CSF2RA: variants seen among roughly 807,000 people sequenced by gnomAD.
CSF2RA encodes the protein granulocyte-macrophage colony-stimulating factor receptor subunit alpha.
A neutral mutation model predicts 51.6 loss-of-function variants in CSF2RA; 42 were observed. The ratio of observed to expected loss-of-function variants is 0.81; its 90% CI spans 0.64 to 1.05. The LOEUF (loss-of-function observed/expected upper bound fraction) is 1.05, where lower values mean the gene tolerates loss of function less well. Ranked by LOEUF, CSF2RA falls within the 50% of genes least tolerant of loss-of-function variation. The pLI is 0.00. For missense variants in CSF2RA, 530 were observed against 501.1 expected (o/e 1.06, Z -0.55); for synonymous variants, 222 against 193.0 (o/e 1.15, Z -1.24).
chrX:1,315,001 CCCCACTGCACCTGCCCAA>C (rs2084508959), downstream of CSF2RA, among the ~76,000 whole-genome samples: 1 of 118,540 alleles, frequency 8.4e-6, no homozygotes, highest in Non-Finnish European at 1.9e-5. Flanking sequence ...ACCTGCCCAA[CCCCACTGCACCTGCCCAA>C]CCACACTGCA....
At chrX:1,322,406 C>A in the CSF2RA span, among the ~76,000 whole-genome samples, 1 of 149,854 alleles carries the variant, frequency 6.7e-6, no homozygotes, top group African/African-American at 2.5e-5. Context: ...GTCAGCACAC[C>A]TGGCCCACTT....
At chrX:1,299,809 G>C (rs1293385513) in intron 9 of CSF2RA, among the ~76,000 whole-genome samples, 1 of 151,654 alleles carries the variant, frequency 6.6e-6, no homozygotes, top group African/African-American at 2.4e-5. Flanking sequence ...TCCCAGCTAC[G>C]TGGGAGGCTG....
intron 4 of CSF2RA, among the ~76,000 whole-genome samples, chrX:1,286,860 C>G (rs1198302787): frequency 2.0e-5 from 3 of 152,016 alleles, no homozygotes; most frequent in Non-Finnish European, 4.4e-5. Flanking sequence ...GTCACGTTGT[C>G]AGTGTGTCAC....
downstream of CSF2RA, among the ~76,000 whole-genome samples, chrX:1,312,968 G>T (rs1247713999): frequency 6.6e-6 from 1 of 152,090 alleles, no homozygotes; most frequent in African/African-American, 2.4e-5. Flanking sequence ...AAAAAGCGTG[G>T]AATCCTCTGG....
At chrX:1,293,391 TTG>T (rs1413979922) in intron 7 of CSF2RA, among the ~76,000 whole-genome samples, 1 of 152,034 alleles carries the variant, frequency 6.6e-6, no homozygotes, top group Non-Finnish European at 1.5e-5. Flanking sequence ...GCTAATTTTT[TTG>T]GATTTTTAGT....
intron 1 of CSF2RA, among the ~76,000 whole-genome samples, chrX:1,269,287 G>A (rs2088018419): frequency 1.3e-5 from 2 of 152,082 alleles, no homozygotes; most frequent in African/African-American, 2.4e-5. Context: ...GAATTATCAC[G>A]TGAATTCACA....
chrX:1,311,261 A>G (rs2084170108), downstream of CSF2RA, among the ~76,000 whole-genome samples: 1 of 146,244 alleles, frequency 6.8e-6, no homozygotes, highest in Non-Finnish European at 1.5e-5. Context: ...AAAAAAAAAA[A>G]GGTAAAAAGA....
At chrX:1,292,140 A>G (rs1309978042) in intron 7 of CSF2RA, among the ~76,000 whole-genome samples, 1 of 149,258 alleles carries the variant, frequency 6.7e-6, no homozygotes, top group African/African-American at 2.5e-5. Context: ...TCCCTACTCC[A>G]CGTCCACCTG....
At chrX:1,282,558 C>T (rs1357919573) in intron 2 of CSF2RA, 120 bp from the exon 3 acceptor site, 7 of 785,136 alleles carry the variant, frequency 8.9e-6, no homozygotes, top group Non-Finnish European at 1.6e-5. Flanking sequence ...CTCATTTGAC[C>T]AGGTCAGCGG....
At chrX:1,299,249 A>G (rs2092215248) in intron 9 of CSF2RA, among the ~76,000 whole-genome samples, 2 of 152,018 alleles carry the variant, frequency 1.3e-5, no homozygotes, top group Non-Finnish European at 2.9e-5. Flanking sequence ...CTCCCTCTAA[A>G]ATGCTTTTAG....
downstream of CSF2RA, among the ~76,000 whole-genome samples, chrX:1,313,668 C>T (rs781177456): frequency 7.3e-5 from 11 of 150,992 alleles, no homozygotes; most frequent in Admixed American, 6.6e-4. Flanking sequence ...GCCAAGATCA[C>T]GCCATTGCAC....
intron 3 of CSF2RA, among the ~76,000 whole-genome samples, chrX:1,283,143 CTTCCTTCCTTCGTTCCTTCCTTCG>C (rs1314472426): frequency 9.8e-5 from 9 of 91,526 alleles, no homozygotes; most frequent in Non-Finnish European, 1.6e-4. Context: ...TCCTTCCTTC[CTTCCTTCCTTCGTTCCTTCCTTCG>C]TTCCTTCCTT....
At chrX:1,296,320 C>G (rs745803003) in intron 9 of CSF2RA, among the ~76,000 whole-genome samples, 7 of 140,144 alleles carry the variant, frequency 5.0e-5, no homozygotes, top group African/African-American at 1.1e-4. Flanking sequence ...CTCACGACCC[C>G]TACACTCTCC....
chrX:1,307,611 T>C (rs1169893871), intron 12 of CSF2RA, among the ~76,000 whole-genome samples: 2 of 146,852 alleles, frequency 1.4e-5, no homozygotes, highest in East Asian at 4.0e-4. Flanking sequence ...TTTCGACTGA[T>C]TAGATGAGGC....
At chrX:1,277,198 A>C (rs2089291516) in intron 2 of CSF2RA, among the ~76,000 whole-genome samples, 1 of 151,868 alleles carries the variant, frequency 6.6e-6, no homozygotes, top group African/African-American at 2.4e-5. Context: ...ACCCCTTCCT[A>C]CCCCATCTCA....
At chrX:1,320,081 C>G in the CSF2RA span, among the ~76,000 whole-genome samples, 1 of 151,900 alleles carries the variant, frequency 6.6e-6, no homozygotes, top group Non-Finnish European at 1.5e-5. Flanking sequence ...ATTTTTAGTA[C>G]AGACGGGATT....
rs2091838444 is a variant in CSF2RA, at chrX:1,295,322, C to T, written c.781-105C>T. ...ACCTGCCTGCCACTCCGCAGGGACT[C>T]CTTCCCATTCGGTGCCCACACCAGG... On this transcript the variant is annotated intron_variant, in intron 8 of 12. Coordinates refer to ENST00000381529, the MANE Select transcript of CSF2RA (RefSeq NM_172245.4). 4.9e-6 allele frequency: 7 copies of T among 1,438,794 alleles called. No individual in the cohort carries two copies. The Admixed American group carries it at 6.7e-5, about 14-fold the overall frequency. The allele number at this position is 1,438,794 out of a possible 1,614,324, so 89.1% of individuals were successfully genotyped here.
At chrX:1,279,914 C>T (rs1265743527) in intron 2 of CSF2RA, among the ~76,000 whole-genome samples, 1 of 151,872 alleles carries the variant, frequency 6.6e-6, no homozygotes, top group Non-Finnish European at 1.5e-5. Flanking sequence ...CTCAACCTCC[C>T]GAGTAGCTGG....
At chrX:1,269,154 G>A (rs1411858766) in intron 1 of CSF2RA, among the ~76,000 whole-genome samples, 3 of 152,140 alleles carry the variant, frequency 2.0e-5, no homozygotes, top group Non-Finnish European at 4.4e-5. Context: ...TTGGAGGACA[G>A]GGAGGGGGCT....
Sources: allele counts gnomAD v4.1 joint callset (sites outside exome capture counted in the v4.1 genomes callset), GRCh38; gene constraint gnomAD v4.1.1; transcripts MANE v1.5; gene names NCBI Gene and HGNC (gene_info 2026-07-23, HGNC 2026-07-21).